B3GAT2: variants seen among roughly 807,000 people sequenced by gnomAD.
The protein encoded by B3GAT2 is galactosylgalactosylxylosylprotein 3-beta-glucuronosyltransferase 2.
A neutral mutation model predicts 27.8 loss-of-function variants in B3GAT2; 26 were observed. The ratio of observed to expected loss-of-function variants is 0.93; its 90% CI spans 0.68 to 1.30. B3GAT2 has a LOEUF of 1.30. Ranked by LOEUF, B3GAT2 falls within the 50% of genes most tolerant of loss-of-function variation. The probability of loss-of-function intolerance (pLI) is 0.00; values close to 1 mark genes in which losing one functional copy is unlikely to be tolerated. For missense variants in B3GAT2, 458 were observed against 459.0 expected (o/e 1.00, Z 0.02); for synonymous variants, 218 against 195.1 (o/e 1.12, Z -0.98).
intron 1 of B3GAT2, among the ~76,000 whole-genome samples, chr6:70,907,062 A>G (rs1463853867): frequency 6.6e-6 from 1 of 152,222 alleles, no homozygotes; most frequent in Non-Finnish European, 1.5e-5. Context: ...TATAGCAGAT[A>G]CTGTTCGTTG....
chr6:70,921,243 T>C (rs1412797693), intron 1 of B3GAT2, among the ~76,000 whole-genome samples: 3 of 152,210 alleles, frequency 2.0e-5, no homozygotes, highest in Non-Finnish European at 4.4e-5. Context: ...ATTTGGTCTC[T>C]ACCTAATCTC....
chr6:70,883,827 T>C (rs1772136267), intron 2 of B3GAT2, among the ~76,000 whole-genome samples: 1 of 152,128 alleles, frequency 6.6e-6, no homozygotes, highest in Non-Finnish European at 1.5e-5. Flanking sequence ...TTTTCAGTTA[T>C]TATGATTAAA....
chr6:70,899,260 T>C (rs969196715), intron 1 of B3GAT2, among the ~76,000 whole-genome samples: 1 of 152,210 alleles, frequency 6.6e-6, no homozygotes, highest in Non-Finnish European at 1.5e-5. Context: ...GCATTAGACT[T>C]TTCATTTAAG....
At chr6:70,889,850 T>C (rs1772257500) in intron 2 of B3GAT2, among the ~76,000 whole-genome samples, 1 of 151,186 alleles carries the variant, frequency 6.6e-6, no homozygotes, top group African/African-American at 2.4e-5. Flanking sequence ...AGGTGCAATC[T>C]CGGCTCACTG....
chr6:70,905,693 G>A (rs1772590055), intron 1 of B3GAT2, among the ~76,000 whole-genome samples: 1 of 152,098 alleles, frequency 6.6e-6, no homozygotes, highest in South Asian at 2.1e-4. Context: ...CACTTGGCAT[G>A]GGGATCTGCA....
At chr6:70,901,764 T>C (rs949437700) in intron 1 of B3GAT2, among the ~76,000 whole-genome samples, 43 of 152,166 alleles carry the variant, frequency 2.8e-4, no homozygotes, top group Admixed American at 7.9e-4. Flanking sequence ...TATTCCTCTC[T>C]TTGAAGTGGG....
intron 2 of B3GAT2, among the ~76,000 whole-genome samples, chr6:70,864,569 T>A (rs1256052035): frequency 1.3e-5 from 2 of 152,154 alleles, no homozygotes; most frequent in Non-Finnish European, 2.9e-5. Flanking sequence ...AGGAGCACAA[T>A]TCAGATGCCC....
Position 70,860,857 on chromosome 6 carries a change from A to G in B3GAT2, c.*806T>C. 2.5e-6 allele frequency: 1 copy of G among 394,916 alleles called. No homozygotes were observed. The highest frequency in any genetic ancestry group is 4.5e-6 in the Non-Finnish European group (1 of 223,718). 24.5% of individuals were successfully genotyped at this position (394,916 alleles called of 1,614,324 possible). A position where few individuals can be genotyped will look rare whatever the true frequency, so the allele number is the denominator to read the frequency against. On this transcript the variant is annotated 3_prime_UTR_variant, in exon 4 of 4. Coordinates refer to ENST00000230053, the MANE Select transcript of B3GAT2 (RefSeq NM_080742.3). ...ACTGTGCTGTTGTTATGATGTGCTTAACAGGGAACGTGATTAGTGAAAGGA... is the reference window on the plus strand; with the variant it reads ...ACTGTGCTGTTGTTATGATGTGCTTGACAGGGAACGTGATTAGTGAAAGGA...
At chr6:70,912,069 G>C (rs1772697724) in intron 1 of B3GAT2, among the ~76,000 whole-genome samples, 1 of 151,772 alleles carries the variant, frequency 6.6e-6, no homozygotes, top group African/African-American at 2.4e-5. Context: ...AATTTTCTAG[G>C]TATAAAATCA....
chr6:70,941,045 CTT>C (rs1369752055), intron 1 of B3GAT2, among the ~76,000 whole-genome samples: 1 of 152,186 alleles, frequency 6.6e-6, no homozygotes, highest in African/African-American at 2.4e-5. Context: ...TCCCAGGACT[CTT>C]TGTAGACAAG....
intron 1 of B3GAT2, among the ~76,000 whole-genome samples, chr6:70,922,801 A>T (rs149369538): frequency 1.1e-4 from 17 of 152,262 alleles, no homozygotes; most frequent in Non-Finnish European, 1.8e-4. Context: ...AAATAAAGGA[A>T]GGAAATAAAA....
rs567048779 is a variant in B3GAT2, at chr6:70,947,011, A to T, written c.591+8828T>A. 5.5e-3 allele frequency among the ~76,000 whole-genome samples: 844 copies of T among 152,102 alleles called. 3 individuals are homozygous for T. The highest frequency in any genetic ancestry group is 8.2e-3 in the Non-Finnish European group (559 of 67,974). On this transcript the variant is annotated intron_variant, in intron 1 of 3. Coordinates refer to ENST00000230053, the MANE Select transcript of B3GAT2 (RefSeq NM_080742.3). ...GTACATAACGAAATGAAGGCAGAAA[A>T]AAAGATGTTCTTTGAAACCAACGAG...
chr6:70,867,259 TAAATTAGAAAAAGAAAGC>T, intron 2 of B3GAT2, among the ~76,000 whole-genome samples: 1 of 152,098 alleles, frequency 6.6e-6, no homozygotes, highest in Middle Eastern at 3.4e-3. Flanking sequence ...CCTACCTTTA[TAAATTAGAAAAAGAAAGC>T]AAATGAAGCC....
intron 2 of B3GAT2, among the ~76,000 whole-genome samples, chr6:70,867,830 C>T (rs1456600942): frequency 6.6e-6 from 1 of 152,002 alleles, no homozygotes; most frequent in Non-Finnish European, 1.5e-5. Flanking sequence ...ACCAGCATTG[C>T]CCTGATACCA....
chr6:70,924,995 T>C (rs143247840), intron 1 of B3GAT2, among the ~76,000 whole-genome samples: 1 of 152,360 alleles, frequency 6.6e-6, no homozygotes, highest in East Asian at 1.9e-4. Context: ...TTTGCAATTC[T>C]GACAACCAGA....
At chr6:70,918,113 T>G (rs557298171) in intron 1 of B3GAT2, among the ~76,000 whole-genome samples, 2 of 152,208 alleles carry the variant, frequency 1.3e-5, no homozygotes, top group Admixed American at 1.3e-4. Flanking sequence ...ATATTTAGGA[T>G]AGTTAGCTCT....
chr6:70,891,658 T>C (rs1230412966), intron 2 of B3GAT2, among the ~76,000 whole-genome samples: 1 of 152,140 alleles, frequency 6.6e-6, no homozygotes, highest in African/African-American at 2.4e-5. Flanking sequence ...TAATCCGCTT[T>C]GCAAATGCAA....
chr6:70,922,975 A>G (rs1444970550), intron 1 of B3GAT2, among the ~76,000 whole-genome samples: 1 of 152,212 alleles, frequency 6.6e-6, no homozygotes, highest in Non-Finnish European at 1.5e-5. Context: ...TTCCACACAT[A>G]TAAATGGGTA....
chr6:70,945,147 ACT>A (rs1765458223), intron 1 of B3GAT2, among the ~76,000 whole-genome samples: 1 of 152,094 alleles, frequency 6.6e-6, no homozygotes, highest in South Asian at 2.1e-4. Flanking sequence ...AAAACTGGAA[ACT>A]CTAAAAAGCA....
Sources: gnomAD v4.1 joint callset for allele counts (sites outside exome capture counted in the v4.1 genomes callset) on GRCh38, gnomAD v4.1.1 for gene constraint, MANE v1.5 for transcripts, NCBI Gene and HGNC (gene_info 2026-07-23, HGNC 2026-07-21) for gene names.